Variants in MTMR2 observed in about 807,000 individuals in gnomAD.
The protein encoded by MTMR2 is phosphatidylinositol-3,5-bisphosphate 3-phosphatase MTMR2.
A neutral mutation model predicts 86.9 loss-of-function variants in MTMR2; 55 were observed. The observed-to-expected ratio is 0.63, with a 90% CI of 0.51 to 0.79. The LOEUF is 0.79. Among genes scored for constraint, MTMR2 ranks in the 30% least tolerant of loss-of-function variants. MTMR2 has a pLI of 0.00. For missense variants in MTMR2, 659 were observed against 772.3 expected (o/e 0.85, Z 1.74); for synonymous variants, 241 against 266.8 (o/e 0.90, Z 0.94).
At chr11:95,874,570 A>T (rs1865027810) in intron 2 of MTMR2, among the ~76,000 whole-genome samples, 2 of 152,132 alleles carry the variant, frequency 1.3e-5, no homozygotes, top group African/African-American at 4.8e-5. Flanking sequence ...TGTGTCTTTT[A>T]ATTGGAGCAT....
intron 1 of MTMR2, among the ~76,000 whole-genome samples, chr11:95,917,997 C>G (rs760195307): frequency 1.1e-4 from 17 of 152,246 alleles, no homozygotes; most frequent in Middle Eastern, 3.4e-3. Context: ...TTATGTTACT[C>G]AAAGAAAAAT....
chr11:95,862,040 A>G lies in MTMR2; in HGVS notation c.420T>C (p.Gly140=). Residue 140 remains glycine, a synonymous_variant, in exon 5 of 15, where the codon GGT becomes GGC. Transcript: ENST00000346299. The stretch of plus-strand genomic sequence containing the variant: ...AAGAATTTTCACCTCGACTAGAAGC[A>G]CCACCAATTTTTTCTACTCTATTTA... ...GVINRVEKIG[G]ASSRGENSYG... 6.2e-7 allele frequency: 1 copy of G among 1,613,972 alleles called. No individual in the cohort carries two copies. The highest frequency in any genetic ancestry group is 8.5e-7 in the Non-Finnish European group (1 of 1,179,910).
chr11:95,860,985 A>G (rs1590995806), intron 5 of MTMR2, among the ~76,000 whole-genome samples: 2 of 151,792 alleles, frequency 1.3e-5, no homozygotes, highest in East Asian at 1.9e-4. Context: ...GTGAAACCCC[A>G]TCTCTACTAA....
At chr11:95,874,956 G>C in intron 2 of MTMR2, among the ~76,000 whole-genome samples, 1 of 152,078 alleles carries the variant, frequency 6.6e-6, no homozygotes, top group South Asian at 2.1e-4. Context: ...AGTTTCTGCC[G>C]AGAGATCAGC....
chr11:95,871,789 T>G (rs1864899151), intron 2 of MTMR2, among the ~76,000 whole-genome samples: 1 of 152,264 alleles, frequency 6.6e-6, no homozygotes, highest in South Asian at 2.1e-4. Context: ...TTTTGCTGTT[T>G]TAGACATGAA....
At chr11:95,880,238 C>G in intron 2 of MTMR2, among the ~76,000 whole-genome samples, 1 of 152,010 alleles carries the variant, frequency 6.6e-6, no homozygotes, top group South Asian at 2.1e-4. Context: ...ATACATTACT[C>G]GTGTGTTTTA....
chr11:95,837,181 A>G (rs1949701551), intron 13 of MTMR2, among the ~76,000 whole-genome samples: 1 of 152,038 alleles, frequency 6.6e-6, no homozygotes, highest in African/African-American at 2.4e-5. Flanking sequence ...GAATTTAAAA[A>G]TTTAATACCT....
intron 1 of MTMR2, among the ~76,000 whole-genome samples, chr11:95,889,369 C>T (rs976661426): frequency 6.6e-6 from 1 of 151,884 alleles, no homozygotes; most frequent in South Asian, 2.1e-4. Flanking sequence ...CTGACCTCAA[C>T]TGATGTGCCC....
Position 95,868,904 on chromosome 11 carries a change from C to A in MTMR2, c.187-3228G>T, listed in dbSNP as rs111279473. Among the ~76,000 whole-genome samples, 297 of 151,148 alleles carry A rather than the reference C, an allele frequency of 2.0e-3. 3 individuals are homozygous for A. Among genetic ancestry groups the A allele is most frequent in the African/African-American group, 7.1e-3 (293 of 41,154 alleles). ...TATTTAATGGCAGCAGGAAGTCATTCTCAGATAGCCAGGTCTCAGAAAATA... is the reference window on the plus strand; with the variant it reads ...TATTTAATGGCAGCAGGAAGTCATTATCAGATAGCCAGGTCTCAGAAAATA... On this transcript the variant is annotated intron_variant, in intron 2 of 14. Transcript: ENST00000346299.
In MTMR2 at chr11:95,923,498, G is replaced by A. The variant is rs150567941; in HGVS notation, c.80+377C>T. Among the ~76,000 whole-genome samples the A allele has an allele frequency of 2.5e-3, 377 of 151,986 alleles. 2 individuals are homozygous for A. The highest frequency in any genetic ancestry group is 4.9e-3 in the Non-Finnish European group (336 of 67,992). On this transcript the variant is annotated intron_variant, in intron 1 of 14. Coordinates refer to ENST00000346299, the MANE Select transcript of MTMR2 (RefSeq NM_016156.6). The stretch of plus-strand genomic sequence containing the variant: ...AGGAGGAAAGACTGACTTTAGGATG[G>A]TTTTGGAAAAAGTGACAGAGAAAGA...
intron 2 of MTMR2, among the ~76,000 whole-genome samples, chr11:95,872,863 T>G (rs1363547033): frequency 6.6e-6 from 1 of 152,210 alleles, no homozygotes; most frequent in African/African-American, 2.4e-5. Context: ...CTGCATCCAT[T>G]GAGATAATCA....
rs529212212 is a variant in MTMR2, at chr11:95,912,954, A to T, written c.80+10921T>A. On this transcript the variant is annotated intron_variant, in intron 1 of 14. Transcript: ENST00000346299. ...TTGTACCTACTATTTCACTCAAAAA[A>T]TGAAATCAGATCCTCATTTTCGTAA... is the stretch of plus-strand genomic sequence containing the variant. 4 of 152,260 alleles carry T rather than the reference A, an allele frequency of 2.6e-5. No individual in the cohort carries two copies. The South Asian group carries it at 8.3e-4, about 32-fold the overall frequency. 9.4% of individuals were successfully genotyped at this position (152,260 alleles called of 1,614,324 possible). A position where few individuals can be genotyped will look rare whatever the true frequency, so the allele number is the denominator to read the frequency against.
At chr11:95,855,982 C>T (rs147008226) in intron 7 of MTMR2, among the ~76,000 whole-genome samples, 36 of 152,128 alleles carry the variant, frequency 2.4e-4, no homozygotes, top group Non-Finnish European at 3.8e-4. Flanking sequence ...TACTTTAAAA[C>T]AGTAAATTTT....
At chr11:95,869,802 A>G (rs7120830) in intron 2 of MTMR2, among the ~76,000 whole-genome samples, 8,596 of 152,164 alleles carry the variant, frequency 0.056, 793 homozygotes, top group African/African-American at 0.2. Context: ...TCAGCAAGAC[A>G]GTCCATATCG....
At position 95,835,158 on chromosome 11, in the gene MTMR2, A is replaced by G; in HGVS notation, c.*132T>C. On this transcript the variant is annotated 3_prime_UTR_variant, in exon 15 of 15. Coordinates refer to ENST00000346299, the MANE Select transcript of MTMR2 (RefSeq NM_016156.6). ...TGCTACAGTTCTAAACTCATCCTAG[A>G]GAGATTTAAAATAAATAAAGTGACT... The G allele has an allele frequency of 4.1e-6, 4 of 964,184 alleles. No homozygotes were observed. Among genetic ancestry groups the G allele is most frequent in the Non-Finnish European group, 6.4e-6 (4 of 621,916 alleles). The allele number at this position is 964,184 out of a possible 1,614,324, so 59.7% of individuals were successfully genotyped here.
intron 1 of MTMR2, among the ~76,000 whole-genome samples, chr11:95,889,321 C>T (rs1164639002): frequency 2.0e-5 from 3 of 151,674 alleles, no homozygotes; most frequent in African/African-American, 7.3e-5. Context: ...TTTGTAGAGA[C>T]GAGGTTTCAC....
chr11:95,919,728 G>A (rs1866844061), intron 1 of MTMR2, among the ~76,000 whole-genome samples: 1 of 152,124 alleles, frequency 6.6e-6, no homozygotes, highest in Non-Finnish European at 1.5e-5. Context: ...GAAATTGCAA[G>A]TGTTCAGGCC....
At chr11:95,846,832 T>G (rs943448144) in intron 10 of MTMR2, among the ~76,000 whole-genome samples, 42 of 152,286 alleles carry the variant, frequency 2.8e-4, no homozygotes, top group Middle Eastern at 3.4e-3. Flanking sequence ...GTTTATACTT[T>G]GTGATTTTCA....
At position 95,835,225 on chromosome 11, in the gene MTMR2, C is replaced by A; in HGVS notation, c.*65G>T. The A allele has an allele frequency of 2.0e-6, 3 of 1,537,484 alleles. No individual in the cohort carries two copies. Among genetic ancestry groups the A allele is most frequent in the Non-Finnish European group, 2.7e-6 (3 of 1,113,270 alleles). ...ATGGGTTCTAAATTCCGAAGACTTT[C>A]TACTCATAGAGCTGCCAGTGTAATC... On this transcript the variant is annotated 3_prime_UTR_variant, in exon 15 of 15. Coordinates refer to ENST00000346299, the MANE Select transcript of MTMR2 (RefSeq NM_016156.6).
Sources: allele counts gnomAD v4.1 joint callset (sites outside exome capture counted in the v4.1 genomes callset), GRCh38; gene constraint gnomAD v4.1.1; transcripts MANE v1.5; gene names NCBI Gene and HGNC (gene_info 2026-07-23, HGNC 2026-07-21).